GPATCH8: variants seen among roughly 807,000 people sequenced by gnomAD.
The protein encoded by GPATCH8 is G patch domain-containing protein 8.
In GPATCH8, 18 loss-of-function variants were observed where a neutral mutation model predicts 118.3. The observed-to-expected ratio is 0.15, with a 90% CI of 0.11 to 0.23. GPATCH8 has a LOEUF of 0.23. Ranked by LOEUF, GPATCH8 falls within the 10% of genes least tolerant of loss-of-function variation. The pLI, the probability that GPATCH8 is intolerant of heterozygous loss-of-function variation, is 1.00. For missense variants in GPATCH8, 1,631 were observed against 1,873.8 expected, an observed-to-expected ratio of 0.87 and a Z score of 2.39; for synonymous variants, 659 against 684.7, an observed-to-expected ratio of 0.96 and a Z score of 0.59.
intron 1 of GPATCH8, among the ~76,000 whole-genome samples, chr17:44,490,658 A>T (rs1012793111): frequency 9.2e-5 from 14 of 152,018 alleles, no homozygotes; most frequent in Admixed American, 3.9e-4. Context: ...CTTTTCTAAA[A>T]AAAAAAAAAA....
At chr17:44,461,412 G>C (rs928687081) in intron 3 of GPATCH8, among the ~76,000 whole-genome samples, 2 of 151,196 alleles carry the variant, frequency 1.3e-5, no homozygotes, top group South Asian at 2.1e-4. Flanking sequence ...CTCAACTCCT[G>C]GCCTCAAGTA....
intron 3 of GPATCH8, among the ~76,000 whole-genome samples, chr17:44,449,548 C>T (rs559031060): frequency 1.4e-5 from 2 of 147,350 alleles, no homozygotes; most frequent in South Asian, 4.3e-4. Flanking sequence ...CAGAGTTTCA[C>T]TCTTGTTGCC....
chr17:44,454,804 C>A (rs2051265044), intron 3 of GPATCH8, among the ~76,000 whole-genome samples: 1 of 152,112 alleles, frequency 6.6e-6, no homozygotes, highest in African/African-American at 2.4e-5. Flanking sequence ...ATTACCTGGG[C>A]CTCTTCTCTA....
At chr17:44,454,479 T>C (rs1237480687) in intron 3 of GPATCH8, among the ~76,000 whole-genome samples, 3 of 152,232 alleles carry the variant, frequency 2.0e-5, no homozygotes, top group Non-Finnish European at 2.9e-5. Context: ...GTCTTTTCAT[T>C]TATCCTTTAA....
chr17:44,414,087 G>GTGTA lies in GPATCH8; in HGVS notation c.493-8037_493-8036insTACA, dbSNP rs1366438109. On this transcript the variant is annotated intron_variant, in intron 6 of 7. Transcript: ENST00000591680. ...TATATATATATATATATATGTGTGT[G>GTGTA]TATATATATATATGTGTGTATATAT... Among the ~76,000 whole-genome samples, 26 of 128,494 alleles carry GTGTA rather than the reference G, an allele frequency of 2.0e-4. 1 individual carries two copies. The highest frequency in any genetic ancestry group is 6.8e-4 in the African/African-American group (24 of 35,110). 84.3% of individuals were successfully genotyped at this position (128,494 alleles called of 152,430 possible). A position where few individuals can be genotyped will look rare whatever the true frequency, so the allele number is the denominator to read the frequency against.
In GPATCH8 at chr17:44,400,136, A is replaced by G; in HGVS notation, c.1941T>C (p.Pro647=). The G allele has an allele frequency of 6.2e-7, 1 of 1,613,842 alleles. No homozygotes were observed. Among genetic ancestry groups the G allele is most frequent in the Non-Finnish European group, 8.5e-7 (1 of 1,179,994 alleles). Residue 647 remains proline (P), a synonymous_variant, in exon 8 of 8, where the codon CCT becomes CCC. Transcript: ENST00000591680. ...SACSGLNKQE[P]GGSHGSETED... is the part of the protein sequence containing the mutation. ...CTGTCTCAGACCCATGGCTACCCCC[A>G]GGCTCCTGCTTGTTCAGGCCGCTAC...
rs776830834 is a variant in GPATCH8, at chr17:44,424,340, A to G, written c.492+9T>C. On this transcript the variant is annotated intron_variant, in intron 6 of 7. Coordinates refer to ENST00000591680, the MANE Select transcript of GPATCH8 (RefSeq NM_001002909.4). ...TACCTTCTTCTGTTAGCAAGTAACTACAACTCACCTGCTTGTGTGCATGAT... is the reference window on the plus strand; with the variant it reads ...TACCTTCTTCTGTTAGCAAGTAACTGCAACTCACCTGCTTGTGTGCATGAT... 6.3e-7 allele frequency: 1 copy of G among 1,578,700 alleles called. No individual in the cohort carries two copies. Among genetic ancestry groups the G allele is most frequent in the Admixed American group, 1.7e-5 (1 of 59,988 alleles).
intron 1 of GPATCH8, among the ~76,000 whole-genome samples, chr17:44,481,621 G>A (rs1448793918): frequency 3.3e-5 from 5 of 151,968 alleles, no homozygotes; most frequent in Non-Finnish European, 7.4e-5. Flanking sequence ...TTTTTTCACC[G>A]TCTTATGGTG....
intron 3 of GPATCH8, among the ~76,000 whole-genome samples, chr17:44,450,959 T>C (rs1325098745): frequency 6.6e-6 from 1 of 152,206 alleles, no homozygotes; most frequent in Non-Finnish European, 1.5e-5. Flanking sequence ...CAATTCTCTA[T>C]TAAGCTTCCA....
At chr17:44,420,901 T>G (rs909332756) in intron 6 of GPATCH8, among the ~76,000 whole-genome samples, 3 of 152,060 alleles carry the variant, frequency 2.0e-5, no homozygotes, top group Non-Finnish European at 4.4e-5. Context: ...GCTCTGTCAC[T>G]TAGGCTGGAG....
At chr17:44,483,149 C>T (rs527278596) in intron 1 of GPATCH8, among the ~76,000 whole-genome samples, 3 of 5,492 alleles carry the variant, frequency 5.5e-4, no homozygotes, top group East Asian at 0.033. Context: ...AGTGAGACTC[C>T]GTCTCAAAAA....
intron 1 of GPATCH8, among the ~76,000 whole-genome samples, chr17:44,477,493 G>A (rs1967870559): frequency 6.6e-6 from 1 of 151,946 alleles, no homozygotes; most frequent in Non-Finnish European, 1.5e-5. Flanking sequence ...TCAGCCTCTT[G>A]ACCAGTTGGA....
At chr17:44,467,225 T>C (rs768327848) in intron 2 of GPATCH8, 3 of 391,968 alleles carry the variant, frequency 7.7e-6, no homozygotes, top group Non-Finnish European at 1.5e-5. Context: ...AATGTATTTA[T>C]TAAAGAGTGA....
chr17:44,497,458 C>T (rs976177053), intron 1 of GPATCH8, among the ~76,000 whole-genome samples: 3 of 150,956 alleles, frequency 2.0e-5, no homozygotes, highest in Non-Finnish European at 4.4e-5. Context: ...GGCTTGGTGA[C>T]ACACCTGTAG....
rs1967629249 is a variant in GPATCH8, at chr17:44,475,046, ACAAT to A, written c.46-147_46-144del. ...CACTGCAATCGTTCATTTTCAGTAC[ACAAT>A]CAAAACCACACCACAAATTCCAACT... On this transcript the variant is annotated intron_variant, in intron 1 of 7. Transcript: ENST00000591680. The A allele has an allele frequency of 1.7e-4, 111 of 650,478 alleles. 1 individual carries two copies. In the South Asian group the frequency reaches 1.8e-3, roughly 11 times the overall value. The allele number at this position is 650,478 out of a possible 1,614,324, so 40.3% of individuals were successfully genotyped here. A position where few individuals can be genotyped will look rare whatever the true frequency, so the allele number is the denominator to read the frequency against.
chr17:44,458,028 T>C (rs979114901), intron 3 of GPATCH8, among the ~76,000 whole-genome samples: 3 of 149,478 alleles, frequency 2.0e-5, no homozygotes, highest in African/African-American at 5.0e-5. Context: ...GAGCTTGCAG[T>C]GAGCCGAGAT....
intron 5 of GPATCH8, 56 bp from the exon 6 acceptor site, chr17:44,424,548 T>C: frequency 7.8e-7 from 1 of 1,283,018 alleles, no homozygotes; most frequent in African/African-American, 1.4e-5. Context: ...AAACTTTAAG[T>C]GAATGTTATA....
Position 44,400,032 on chromosome 17 carries a change from T to C in GPATCH8, c.2045A>G (p.Lys682Arg). ...SHRHKKKKKH[K>R]KSSKHKRKHK... Reference sequence around the variant, plus strand: ...TTTACGTTTGTGTTTGCTGGATTTTTTGTGCTTCTTTTTCTTTTTGTGCCG... The same window carrying C: ...TTTACGTTTGTGTTTGCTGGATTTTCTGTGCTTCTTTTTCTTTTTGTGCCG... Residue 682 changes from lysine to arginine, a missense_variant, in exon 8 of 8, where the codon AAA becomes AGA. By Grantham distance (26) the Lys-to-Arg change is conservative. Transcript: ENST00000591680. The C allele has an allele frequency of 6.2e-7, 1 of 1,614,122 alleles. No homozygotes were observed. Among genetic ancestry groups the C allele is most frequent in the African/African-American group, 1.3e-5 (1 of 75,038 alleles).
intron 1 of GPATCH8, among the ~76,000 whole-genome samples, chr17:44,482,185 C>G (rs1360224864): frequency 6.6e-6 from 1 of 151,370 alleles, no homozygotes; most frequent in East Asian, 1.9e-4. Flanking sequence ...CACATGGACA[C>G]AGGGAGGGGA....
Sources: gnomAD v4.1 joint callset for allele counts (sites outside exome capture counted in the v4.1 genomes callset) on GRCh38, gnomAD v4.1.1 for gene constraint, MANE v1.5 for transcripts, NCBI Gene and HGNC (gene_info 2026-07-23, HGNC 2026-07-21) for gene names.